Variants in THSD7A observed in about 807,000 individuals in gnomAD.
The protein encoded by THSD7A is thrombospondin type-1 domain-containing protein 7A.
THSD7A carries 96 observed loss-of-function variants against 231.3 expected under a neutral mutation model. The ratio of observed to expected loss-of-function variants is 0.41; its 90% CI spans 0.35 to 0.49. THSD7A has a LOEUF of 0.49. Among genes scored for constraint, THSD7A ranks in the 20% least tolerant of loss-of-function variants. The pLI is 0.05. For missense variants in THSD7A, 2,290 were observed against 2,070.2 expected, an observed-to-expected ratio of 1.11 and a Z score of -2.06; for synonymous variants, 940 against 743.3, an observed-to-expected ratio of 1.26 and a Z score of -4.30.
At chr7:11,690,520 G>C (rs1780200558) in intron 1 of THSD7A, among the ~76,000 whole-genome samples, 1 of 151,646 alleles carries the variant, frequency 6.6e-6, no homozygotes, top group African/African-American at 2.4e-5. Context: ...TGCTGTGTGT[G>C]TTTTCCTCCT....
rs1223100838 is a variant in THSD7A at position 11,497,874 on chromosome 7, C to T, written c.1823-15892G>A. On this transcript the variant is annotated intron_variant, in intron 6 of 27. Coordinates refer to ENST00000423059, the MANE Select transcript of THSD7A (RefSeq NM_015204.3). ...AGCAACATGGAGCCAGGGGACCATCCCCTGCCCAGGGAAGTGATGAGTGAA... is the reference window on the plus strand; with the variant it reads ...AGCAACATGGAGCCAGGGGACCATCTCCTGCCCAGGGAAGTGATGAGTGAA... Among the ~76,000 whole-genome samples, 6 of 152,098 alleles carry T rather than the reference C, an allele frequency of 3.9e-5. No individual in the cohort carries two copies. The South Asian group carries it at 1.2e-3, about 32-fold the overall frequency.
intron 7 of THSD7A, among the ~76,000 whole-genome samples, chr7:11,476,202 A>G (rs1390884044): frequency 6.6e-6 from 1 of 151,962 alleles, no homozygotes; most frequent in Non-Finnish European, 1.5e-5. Context: ...TTCCTAACAT[A>G]ACTTTAAAAT....
At chr7:11,480,730 T>A (rs1786389354) in intron 7 of THSD7A, among the ~76,000 whole-genome samples, 1 of 152,140 alleles carries the variant, frequency 6.6e-6, no homozygotes, top group Admixed American at 6.5e-5. Flanking sequence ...TAATTATAGG[T>A]GTGCACAGTT....
At chr7:11,748,792 T>C (rs1024156528) in intron 1 of THSD7A, among the ~76,000 whole-genome samples, 14 of 152,022 alleles carry the variant, frequency 9.2e-5, no homozygotes, top group Non-Finnish European at 1.3e-4. Flanking sequence ...GCAATAGTGA[T>C]ATACGAATAA....
chr7:11,690,923 C>T (rs1311031095), intron 1 of THSD7A, among the ~76,000 whole-genome samples: 3 of 151,420 alleles, frequency 2.0e-5, no homozygotes, highest in Admixed American at 1.3e-4. Context: ...ATGGTAAATT[C>T]AAAGAAAAAT....
Position 11,619,547 on chromosome 7 carries a change from T to C in THSD7A, c.1022+16583A>G, listed in dbSNP as rs558779613. Among the ~76,000 whole-genome samples the C allele has an allele frequency of 4.6e-5, 7 of 152,038 alleles. No homozygotes were observed. In the East Asian group the frequency reaches 1.4e-3, roughly 30 times the overall value. On this transcript the variant is annotated intron_variant, in intron 2 of 27. Coordinates refer to ENST00000423059, the MANE Select transcript of THSD7A (RefSeq NM_015204.3). The stretch of plus-strand genomic sequence containing the variant: ...CCAAAGCCTCTGGAGTAGCTAGGAC[T>C]ACAGGCATGTGCTCCTATGCCCAAC...
chr7:11,512,249 A>T (rs567107381), intron 6 of THSD7A, among the ~76,000 whole-genome samples: 55 of 152,222 alleles, frequency 3.6e-4, no homozygotes, highest in African/African-American at 1.3e-3. Flanking sequence ...CACCTCACAC[A>T]AGTTAGAATG....
chr7:11,651,194 T>A (rs1320397504), intron 1 of THSD7A, among the ~76,000 whole-genome samples: 1 of 151,950 alleles, frequency 6.6e-6, no homozygotes, highest in Non-Finnish European at 1.5e-5. Context: ...AAAGGACAAA[T>A]ACTGTATGAT....
rs114974951 is a variant in THSD7A, at chr7:11,769,313, A to T, written c.190+62444T>A. Among the ~76,000 whole-genome samples the T allele has an allele frequency of 9.4e-3, 1,411 of 150,806 alleles. 19 individuals carry two copies. Among genetic ancestry groups the T allele is most frequent in the African/African-American group, 0.032 (1,331 of 41,120 alleles). On this transcript the variant is annotated intron_variant, in intron 1 of 27. Coordinates refer to ENST00000423059, the MANE Select transcript of THSD7A (RefSeq NM_015204.3). Reference sequence around the variant, plus strand: ...CGCCTGGCCCATTTAATGGATTTGAAAGCAATCACCTGTAGAGCAGCCTAC... The same window carrying T: ...CGCCTGGCCCATTTAATGGATTTGATAGCAATCACCTGTAGAGCAGCCTAC...
At chr7:11,548,362 AT>A (rs1445534878) in intron 4 of THSD7A, among the ~76,000 whole-genome samples, 1 of 152,128 alleles carries the variant, frequency 6.6e-6, no homozygotes, top group Non-Finnish European at 1.5e-5. Flanking sequence ...TGAAACAGTA[AT>A]AAAAAACCCT....
intron 1 of THSD7A, among the ~76,000 whole-genome samples, chr7:11,684,367 C>G (rs560736644): frequency 1.4e-5 from 2 of 145,574 alleles, no homozygotes; most frequent in South Asian, 2.2e-4. Context: ...CAATGTTGTA[C>G]TAGAAATCCT....
chr7:11,813,673 A>T (rs1352375875), intron 1 of THSD7A, among the ~76,000 whole-genome samples: 1 of 151,672 alleles, frequency 6.6e-6, no homozygotes, highest in Non-Finnish European at 1.5e-5. Context: ...AGATAGCACC[A>T]CCGCACTCTA....
intron 1 of THSD7A, among the ~76,000 whole-genome samples, chr7:11,714,635 A>T (rs1004412660): frequency 6.6e-6 from 1 of 150,654 alleles, no homozygotes; most frequent in Non-Finnish European, 1.5e-5. Flanking sequence ...GGAAACACAG[A>T]AAGCATCTTC....
intron 6 of THSD7A, among the ~76,000 whole-genome samples, chr7:11,503,170 C>T (rs954539870): frequency 6.6e-6 from 1 of 152,054 alleles, no homozygotes; most frequent in Non-Finnish European, 1.5e-5. Context: ...CATCTACGAC[C>T]ATCTGATCTT....
intron 13 of THSD7A, 96 bp downstream of exon 13, chr7:11,445,965 T>C (rs1784955613): frequency 1.4e-6 from 2 of 1,435,810 alleles, no homozygotes; most frequent in South Asian, 2.5e-5. Flanking sequence ...AGAATATACG[T>C]CTGTAAACCT....
chr7:11,479,026 T>A (rs1433520379), intron 7 of THSD7A, among the ~76,000 whole-genome samples: 1 of 152,200 alleles, frequency 6.6e-6, no homozygotes, highest in African/African-American at 2.4e-5. Context: ...CTCCAAGTAT[T>A]TTCTTCCTCT....
At chr7:11,778,152 GTCTCAAAAAAAA>G (rs1242574976) in intron 1 of THSD7A, among the ~76,000 whole-genome samples, 34 of 18,386 alleles carry the variant, frequency 1.8e-3, no homozygotes, top group African/African-American at 5.3e-3. Flanking sequence ...GCGAGACTCC[GTCTCAAAAAAAA>G]AAAAAAAAAA....
At chr7:11,806,557 C>T (rs1251744487) in intron 1 of THSD7A, among the ~76,000 whole-genome samples, 1 of 150,662 alleles carries the variant, frequency 6.6e-6, no homozygotes, top group Non-Finnish European at 1.5e-5. Context: ...CTGCAGGTGA[C>T]ATCTACACAT....
chr7:11,758,882 A>T (rs184025259), intron 1 of THSD7A, among the ~76,000 whole-genome samples: 17 of 152,190 alleles, frequency 1.1e-4, no homozygotes, highest in African/African-American at 4.1e-4. Flanking sequence ...GACAAAACAT[A>T]TATGTAGCTG....
Sources: gnomAD v4.1 joint callset for allele counts (sites outside exome capture counted in the v4.1 genomes callset) on GRCh38, gnomAD v4.1.1 for gene constraint, MANE v1.5 for transcripts, NCBI Gene and HGNC (gene_info 2026-07-23, HGNC 2026-07-21) for gene names.